The following HABP2 variants were observed in gnomAD, a reference collection of about 807,000 sequenced individuals.
The protein encoded by HABP2 is hyaluronan binding protein 2, also known as factor VII-activating protease.
Under a neutral mutation model 66.5 loss-of-function variants are expected in HABP2, and 65 were observed. That is an observed-to-expected ratio of 0.98 (90% CI 0.80 to 1.20). HABP2 has a LOEUF of 1.20. Among genes scored for constraint, HABP2 ranks in the 50% most tolerant of loss-of-function variants. The pLI is 0.00. For missense variants in HABP2, 786 were observed against 691.0 expected (o/e 1.14, Z -1.54); for synonymous variants, 263 against 253.9 (o/e 1.04, Z -0.34).
At position 113,577,321 on chromosome 10, in the gene HABP2, G is replaced by C. The variant is rs114196022; in HGVS notation, c.448+55G>C. The C allele has an allele frequency of 3.9e-4, 354 of 912,980 alleles. 2 individuals are homozygous for C. In the African/African-American group the frequency reaches 5.2e-3, roughly 13 times the overall value. 56.6% of individuals were successfully genotyped at this position (912,980 alleles called of 1,614,324 possible). A position where few individuals can be genotyped will look rare whatever the true frequency, so the allele number is the denominator to read the frequency against. ...ACTTTCTGTGCCCTATCTTGTACCT[G>C]CACCCTTCTGCATGGAAGGCCAGAT... On this transcript the variant is annotated intron_variant, in intron 5 of 12. Coordinates refer to ENST00000351270, the MANE Select transcript of HABP2 (RefSeq NM_004132.5).
At chr10:113,567,615 G>A in intron 2 of HABP2, 90 bp downstream of exon 2, 1 of 932,472 alleles carries the variant, frequency 1.1e-6, no homozygotes, top group South Asian at 1.3e-5. Context: ...AAGTGTTGGA[G>A]GGACCTCAGG....
At chr10:113,574,598 C>A (rs1845375240) in intron 3 of HABP2, among the ~76,000 whole-genome samples, 193 bp downstream of exon 3, 1 of 152,160 alleles carries the variant, frequency 6.6e-6, no homozygotes, top group African/African-American at 2.4e-5. Context: ...TTCTTAGAGA[C>A]CATCTCCCCT....
intron 10 of HABP2, 87 bp from the exon 11 acceptor site, chr10:113,584,061 T>C (rs930018626): frequency 1.7e-6 from 2 of 1,170,072 alleles, no homozygotes; most frequent in South Asian, 2.8e-5. Flanking sequence ...GGCTTTGCTG[T>C]GGCCACCTTC....
At chr10:113,583,718 G>T (rs1845583565) in intron 10 of HABP2, among the ~76,000 whole-genome samples, 1 of 152,120 alleles carries the variant, frequency 6.6e-6, no homozygotes, top group African/African-American at 2.4e-5. Flanking sequence ...CTTCCTATGT[G>T]TCAGGAGACA....
At chr10:113,585,611 T>C (rs1845618611) in intron 11 of HABP2, among the ~76,000 whole-genome samples, 182 bp from the exon 12 acceptor site, 1 of 152,198 alleles carries the variant, frequency 6.6e-6, no homozygotes, top group Non-Finnish European at 1.5e-5. Flanking sequence ...CAGCACAGGA[T>C]TGCAGGTCTG....
At position 113,578,622 on chromosome 10, in the gene HABP2, CG is replaced by C. The variant is rs1233766396; in HGVS notation, c.569-3del. 6 of 1,607,768 alleles carry C rather than the reference CG, an allele frequency of 3.7e-6. No homozygotes were observed. The highest frequency in any genetic ancestry group is 5.1e-6 in the Non-Finnish European group (6 of 1,175,656). On this transcript the variant is annotated splice_region_variant and splice_polypyrimidine_tract_variant and intron_variant, in intron 6 of 12. Coordinates refer to ENST00000351270, the MANE Select transcript of HABP2 (RefSeq NM_004132.5). ...GTTCTCACATTGCTACCTGCTCTCT[CG>C]GAGGTTCTGATGACTGCTATGTTGG...
chr10:113,581,788 T>G, intron 8 of HABP2, 88 bp from the exon 9 acceptor site: 3 of 1,363,256 alleles, frequency 2.2e-6, no homozygotes, highest in Non-Finnish European at 3.1e-6. Context: ...GCTCAGCTGT[T>G]GGGCTCAGAG....
At chr10:113,556,732 AAAAG>A (rs1182023802) in intron 1 of HABP2, among the ~76,000 whole-genome samples, 10 of 151,648 alleles carry the variant, frequency 6.6e-5, no homozygotes, top group African/African-American at 1.9e-4. Context: ...TTTAAAAAAA[AAAAG>A]AAAGAAAGAA....
intron 1 of HABP2, among the ~76,000 whole-genome samples, chr10:113,558,053 A>G (rs1845031882): frequency 6.6e-6 from 1 of 152,102 alleles, no homozygotes; most frequent in African/African-American, 2.4e-5. Flanking sequence ...GACAAACAAG[A>G]CCGTTTTGTG....
chr10:113,588,736 C>A lies in HABP2; in HGVS notation c.*367C>A, dbSNP rs151044822. 2.9e-4 allele frequency: 164 copies of A among 560,442 alleles called. No individual in the cohort carries two copies. The highest frequency in any genetic ancestry group is 2.8e-3 in the African/African-American group (149 of 53,476). The allele number at this position is 560,442 out of a possible 1,614,324, so 34.7% of individuals were successfully genotyped here. On this transcript the variant is annotated 3_prime_UTR_variant, in exon 13 of 13. Transcript: ENST00000351270. ...GCATCAGCGGGAACCACCATCACAT[C>A]TTTATTCCTCAGCCCAGACACTCGA...
In HABP2 at chr10:113,578,645, T is replaced by C; in HGVS notation, c.587T>C (p.Val196Ala). The change falls in exon 7 of 13, where the codon GTT (valine) becomes GCT (alanine). Residue 196 changes from valine (V) to alanine (A), a missense_variant. By Grantham distance (64) the Val-to-Ala change is moderately conservative. Transcript: ENST00000351270. ...CTCGGAGGTTCTGATGACTGCTATG[T>C]TGGCGATGGCTACTCTTACCGAGGG... is the stretch of plus-strand genomic sequence containing the variant. ...FCEIGSDDCYVGDGYSYRGKM... is the reference protein window; with the variant it reads ...FCEIGSDDCYAGDGYSYRGKM... 2 of 1,613,232 alleles carry C rather than the reference T, an allele frequency of 1.2e-6. No individual in the cohort carries two copies. The highest frequency in any genetic ancestry group is 1.7e-6 in the Non-Finnish European group (2 of 1,179,330).
At chr10:113,564,655 T>A (rs1443790589) in intron 1 of HABP2, among the ~76,000 whole-genome samples, 1 of 152,222 alleles carries the variant, frequency 6.6e-6, no homozygotes, top group East Asian at 1.9e-4. Flanking sequence ...TTTTGTAATT[T>A]TTTAAACCTA....
chr10:113,556,394 G>C (rs967173894), intron 1 of HABP2, among the ~76,000 whole-genome samples: 1 of 152,182 alleles, frequency 6.6e-6, no homozygotes, highest in Non-Finnish European at 1.5e-5. Flanking sequence ...GCACCATGGA[G>C]AGGGGTAGCC....
At chr10:113,571,937 A>G (rs1240121210) in intron 2 of HABP2, among the ~76,000 whole-genome samples, 1 of 152,226 alleles carries the variant, frequency 6.6e-6, no homozygotes, top group Non-Finnish European at 1.5e-5. Flanking sequence ...GTGCCAACAT[A>G]ATGGGAAAGA....
intron 2 of HABP2, among the ~76,000 whole-genome samples, chr10:113,570,656 G>GC (rs774174315): frequency 6.6e-6 from 1 of 152,164 alleles, no homozygotes; most frequent in Non-Finnish European, 1.5e-5. Context: ...TATTTTCTTT[G>GC]CCAAGTACAT....
intron 1 of HABP2, among the ~76,000 whole-genome samples, chr10:113,554,713 C>A (rs564524849): frequency 6.6e-6 from 1 of 152,128 alleles, no homozygotes; most frequent in Non-Finnish European, 1.5e-5. Context: ...CTAAACTTTG[C>A]GGGCAAGGAG....
At chr10:113,574,849 G>A (rs576110023) in intron 3 of HABP2, among the ~76,000 whole-genome samples, 80 of 152,230 alleles carry the variant, frequency 5.3e-4, no homozygotes, top group South Asian at 3.1e-3. Flanking sequence ...CTTCCCTCAT[G>A]CCTTTGCCAG....
intron 2 of HABP2, among the ~76,000 whole-genome samples, chr10:113,569,130 C>A (rs11575718): frequency 6.6e-6 from 1 of 152,210 alleles, no homozygotes; most frequent in Non-Finnish European, 1.5e-5. Flanking sequence ...ACTGGGCTCT[C>A]AGGAGGTAAT....
In HABP2 at chr10:113,585,956, G is replaced by C. The variant is rs1232115682; in HGVS notation, c.1518+18G>C. 2.5e-6 allele frequency: 4 copies of C among 1,611,348 alleles called. No individual in the cohort carries two copies. Among genetic ancestry groups the C allele is most frequent in the Non-Finnish European group, 3.4e-6 (4 of 1,177,814 alleles). On this transcript the variant is annotated intron_variant, in intron 12 of 12. Coordinates refer to ENST00000351270, the MANE Select transcript of HABP2 (RefSeq NM_004132.5). ...CCTGCCAGGTCAGAGACTCCAAGTG[G>C]TGCTTGTGGTAGGAGAGGCTAGCAG...
Sources: gnomAD v4.1 joint callset for allele counts (sites outside exome capture counted in the v4.1 genomes callset) on GRCh38, gnomAD v4.1.1 for gene constraint, MANE v1.5 for transcripts, NCBI Gene and HGNC (gene_info 2026-07-23, HGNC 2026-07-21) for gene names.